The following PITPNC1 variants were observed in gnomAD, a reference collection of about 807,000 sequenced individuals.
PITPNC1 encodes cytoplasmic phosphatidylinositol transfer protein 1.
A neutral mutation model predicts 44.7 loss-of-function variants in PITPNC1; 18 were observed. The ratio of observed to expected loss-of-function variants is 0.40; its 90% CI spans 0.28 to 0.60. PITPNC1 has a LOEUF of 0.60. PITPNC1 is among the 20% of genes least tolerant of loss of function. PITPNC1 has a pLI of 0.39. For missense variants in PITPNC1, 290 were observed against 418.4 expected (o/e 0.69, Z 2.68); for synonymous variants, 141 against 149.6 (o/e 0.94, Z 0.42).
intron 2 of PITPNC1, among the ~76,000 whole-genome samples, chr17:67,535,432 C>T (rs2144133271): frequency 6.6e-6 from 1 of 152,302 alleles, no homozygotes; most frequent in South Asian, 2.1e-4. Context: ...TGCATTCTCT[C>T]AAGTTATTAC....
At chr17:67,406,925 T>C (rs1233451010) in intron 1 of PITPNC1, among the ~76,000 whole-genome samples, 1 of 152,230 alleles carries the variant, frequency 6.6e-6, no homozygotes, top group Non-Finnish European at 1.5e-5. Context: ...GATATACATA[T>C]ATATTTCGGA....
intron 5 of PITPNC1, among the ~76,000 whole-genome samples, chr17:67,623,381 C>A (rs1422348830): frequency 1.3e-5 from 2 of 152,000 alleles, no homozygotes; most frequent in Non-Finnish European, 1.5e-5. Context: ...CTTTTCTTTT[C>A]TTTTCTTTTT....
intron 1 of PITPNC1, among the ~76,000 whole-genome samples, chr17:67,490,130 G>C (rs932170807): frequency 6.9e-6 from 1 of 144,900 alleles, no homozygotes; most frequent in Non-Finnish European, 1.5e-5. Context: ...GTGTGTGTGT[G>C]TGTGTGTGTG....
chr17:67,470,581 G>A (rs1276773486), intron 1 of PITPNC1, among the ~76,000 whole-genome samples: 1 of 152,012 alleles, frequency 6.6e-6, no homozygotes, highest in Non-Finnish European at 1.5e-5. Flanking sequence ...GGAGGTGGGG[G>A]GGGTCAGCCC....
At chr17:67,482,023 T>TAAAAAGGAA (rs2039711748) in intron 1 of PITPNC1, among the ~76,000 whole-genome samples, 1 of 152,228 alleles carries the variant, frequency 6.6e-6, no homozygotes, top group African/African-American at 2.4e-5. Context: ...TAAAACTATT[T>TAAAAAGGAA]GTGTTTTGTG....
chr17:67,394,865 A>G (rs2038192694), intron 1 of PITPNC1, among the ~76,000 whole-genome samples: 1 of 151,878 alleles, frequency 6.6e-6, no homozygotes, highest in South Asian at 2.1e-4. Flanking sequence ...ACTGCACTCT[A>G]GCCTGGGCAA....
chr17:67,492,161 C>G (rs983386967), intron 1 of PITPNC1, among the ~76,000 whole-genome samples: 15 of 152,038 alleles, frequency 9.9e-5, no homozygotes, highest in African/African-American at 3.6e-4. Flanking sequence ...AAATCTGACA[C>G]CCAAGTAACT....
intron 1 of PITPNC1, among the ~76,000 whole-genome samples, chr17:67,522,177 G>C (rs1022089483): frequency 4.4e-4 from 67 of 152,160 alleles, no homozygotes; most frequent in African/African-American, 1.6e-3. Context: ...GGTGGCACAC[G>C]CTTGTAATTC....
intron 1 of PITPNC1, among the ~76,000 whole-genome samples, chr17:67,464,941 G>A (rs1481165235): frequency 1.3e-5 from 2 of 152,176 alleles, no homozygotes; most frequent in Non-Finnish European, 2.9e-5. Context: ...GTTTCACTAT[G>A]TTGGCCAGGC....
chr17:67,553,920 A>T (rs776570807), intron 4 of PITPNC1, among the ~76,000 whole-genome samples: 1 of 152,218 alleles, frequency 6.6e-6, no homozygotes, highest in African/African-American at 2.4e-5. Flanking sequence ...ATAATAAAAG[A>T]ACAGTTTCTA....
intron 6 of PITPNC1, among the ~76,000 whole-genome samples, chr17:67,643,491 G>T (rs1302655052): frequency 6.6e-6 from 1 of 152,228 alleles, no homozygotes; most frequent in Admixed American, 6.5e-5. Context: ...AACATTCATG[G>T]AAGGGAGAAA....
intron 3 of PITPNC1, 86 bp downstream of exon 3, chr17:67,552,431 C>A: frequency 1.3e-6 from 1 of 795,026 alleles, no homozygotes; most frequent in Non-Finnish European, 2.2e-6. Context: ...AGTGGATTAT[C>A]CAAGCAGGGC....
At chr17:67,451,252 G>A (rs1419577704) in intron 1 of PITPNC1, among the ~76,000 whole-genome samples, 3 of 151,944 alleles carry the variant, frequency 2.0e-5, no homozygotes, top group Admixed American at 6.6e-5. Context: ...GGCTGGTCTC[G>A]ATCTCCTGAC....
intron 4 of PITPNC1, among the ~76,000 whole-genome samples, chr17:67,577,388 G>T (rs967784971): frequency 6.6e-6 from 1 of 152,032 alleles, no homozygotes; most frequent in African/African-American, 2.4e-5. Context: ...AGGAGTTCGA[G>T]ACCAGCCTGG....
At chr17:67,648,331 G>A (rs1296139733) in intron 6 of PITPNC1, among the ~76,000 whole-genome samples, 2 of 152,156 alleles carry the variant, frequency 1.3e-5, no homozygotes, top group Non-Finnish European at 2.9e-5. Flanking sequence ...CATAGCCTTC[G>A]TCTAAAGAGC....
At chr17:67,660,080 C>A (rs967915414) in intron 6 of PITPNC1, among the ~76,000 whole-genome samples, 4 of 152,146 alleles carry the variant, frequency 2.6e-5, no homozygotes, top group Non-Finnish European at 5.9e-5. Context: ...CAGGGTTTTG[C>A]CATGTGGCCC....
chr17:67,411,130 G>A lies in PITPNC1; in HGVS notation c.48+32928G>A, dbSNP rs190648107. Among the ~76,000 whole-genome samples, 781 of 151,678 alleles carry A rather than the reference G, an allele frequency of 5.1e-3. 4 individuals carry two copies. Among genetic ancestry groups the A allele is most frequent in the African/African-American group, 0.018 (746 of 41,324 alleles). ...AGTTTACAGAATTGGGTATGAATGG[G>A]AGGTGGGAGTGCTTCCTTTTCTTGG... On this transcript the variant is annotated intron_variant, in intron 1 of 8. Coordinates refer to ENST00000581322, the MANE Select transcript of PITPNC1 (RefSeq NM_012417.4).
At chr17:67,661,797 G>A (rs1262933299) in intron 6 of PITPNC1, among the ~76,000 whole-genome samples, 1 of 152,176 alleles carries the variant, frequency 6.6e-6, no homozygotes, top group Non-Finnish European at 1.5e-5. Flanking sequence ...AGGAGTTCGA[G>A]ACCAGCCTGG....
At chr17:67,420,883 A>G (rs1459613151) in intron 1 of PITPNC1, among the ~76,000 whole-genome samples, 1 of 152,076 alleles carries the variant, frequency 6.6e-6, no homozygotes, top group Non-Finnish European at 1.5e-5. Context: ...CATACTAACT[A>G]TATGTGATGG....
Sources: allele counts gnomAD v4.1 joint callset (sites outside exome capture counted in the v4.1 genomes callset), GRCh38; gene constraint gnomAD v4.1.1; transcripts MANE v1.5; gene names NCBI Gene and HGNC (gene_info 2026-07-23, HGNC 2026-07-21).